FGF1: variants seen among roughly 807,000 people sequenced by gnomAD.
FGF1 encodes the protein beta-endothelial cell growth factor.
Under a neutral mutation model 13.4 loss-of-function variants are expected in FGF1, and 9 were observed. That is an observed-to-expected ratio of 0.67 (90% CI 0.40 to 1.17). The LOEUF (loss-of-function observed/expected upper bound fraction) is 1.17. Ranked by LOEUF, FGF1 falls within the 50% of genes most tolerant of loss-of-function variation. The pLI is 0.01. For missense variants in FGF1, 156 were observed against 192.7 expected (o/e 0.81, Z 1.13); for synonymous variants, 93 against 79.0 (o/e 1.18, Z -0.94).
intron 3 of FGF1, among the ~76,000 whole-genome samples, chr5:142,598,134 C>T (rs1277814868): frequency 6.6e-6 from 1 of 152,210 alleles, no homozygotes; most frequent in Non-Finnish European, 1.5e-5. Context: ...AGGAGGTAGA[C>T]AGCTTGGACC....
chr5:142,609,607 G>T (rs1217272508), intron 2 of FGF1, among the ~76,000 whole-genome samples: 2 of 152,160 alleles, frequency 1.3e-5, no homozygotes, highest in Non-Finnish European at 2.9e-5. Flanking sequence ...TCCCAGAGAA[G>T]CTGGGACAAA....
chr5:142,665,219 C>A (rs1206978877), intron 1 of FGF1, among the ~76,000 whole-genome samples: 5 of 152,010 alleles, frequency 3.3e-5, no homozygotes, highest in Admixed American at 3.3e-4. Context: ...GAAAAATATT[C>A]CTGAGATACC....
chr5:142,595,409 G>T lies in FGF1; in HGVS notation c.349C>A (p.His117Asn). 1 of 1,614,014 alleles carries T rather than the reference G, an allele frequency of 6.2e-7. No individual in the cohort carries two copies. Among genetic ancestry groups the T allele is most frequent in the Middle Eastern group, 1.7e-4 (1 of 6,060 alleles). The change falls in exon 4 of 4, where the codon CAT becomes AAT. Residue 117 changes from histidine to asparagine, a missense_variant. By Grantham distance (68) the His-to-Asn change is moderately conservative. Transcript: ENST00000337706. Reference protein sequence around the residue: ...NHYNTYISKKHAEKNWFVGLK... With the variant: ...NHYNTYISKKNAEKNWFVGLK... The stretch of plus-strand genomic sequence containing the variant: ...CCAACAAACCAATTCTTCTCTGCAT[G>T]CTTCTTGGATATATAGGTGTTGTAA...
chr5:142,635,050 G>A (rs1764019120), intron 1 of FGF1, among the ~76,000 whole-genome samples: 1 of 152,058 alleles, frequency 6.6e-6, no homozygotes, highest in South Asian at 2.1e-4. Context: ...CTTAATTTAA[G>A]TATCGGAAAG....
chr5:142,696,405 C>T (rs558968747), intron 2 of FGF1, among the ~76,000 whole-genome samples: 19 of 152,294 alleles, frequency 1.2e-4, no homozygotes, highest in Non-Finnish European at 2.9e-5. Flanking sequence ...GCTTTCAGTC[C>T]ATGCAGTTTT....
intron 3 of FGF1, among the ~76,000 whole-genome samples, chr5:142,598,113 T>C (rs1356998186): frequency 1.3e-5 from 2 of 152,174 alleles, no homozygotes; most frequent in African/African-American, 4.8e-5. Context: ...ATGCATGTTG[T>C]TGGGGGTAGA....
chr5:142,598,922 G>A (rs1597029215), intron 3 of FGF1, among the ~76,000 whole-genome samples: 3 of 152,164 alleles, frequency 2.0e-5, no homozygotes, highest in African/African-American at 7.2e-5. Flanking sequence ...TATTTAAAGA[G>A]GGAAAAGCCA....
chr5:142,631,628 A>G (rs1763384220), intron 1 of FGF1, among the ~76,000 whole-genome samples: 1 of 152,126 alleles, frequency 6.6e-6, no homozygotes, highest in African/African-American at 2.4e-5. Flanking sequence ...GACCTGGGGG[A>G]ACTATTGGGA....
rs1182736368 is a variant in FGF1 at position 142,592,388 on chromosome 5, C to T, written c.*2902G>A. The T allele has an allele frequency of 7.5e-6, 3 of 398,482 alleles. No homozygotes were observed. The highest frequency in any genetic ancestry group is 8.8e-6 in the Non-Finnish European group (2 of 226,034). 24.7% of individuals were successfully genotyped at this position (398,482 alleles called of 1,614,324 possible). A position where few individuals can be genotyped will look rare whatever the true frequency, so the allele number is the denominator to read the frequency against. ...CAAGGACCTTCAGTACTAGCTGATG[C>T]TCCAATCAGTTTTTTGTTCATACAC... On this transcript the variant is annotated 3_prime_UTR_variant, in exon 4 of 4. Transcript: ENST00000337706.
chr5:142,667,769 C>G (rs1561715115), intron 1 of FGF1, among the ~76,000 whole-genome samples: 2 of 152,176 alleles, frequency 1.3e-5, no homozygotes, highest in South Asian at 2.1e-4. Context: ...ACTCTGGACT[C>G]TGTTCCTCCA....
At chr5:142,598,933 T>C (rs1755865733) in intron 3 of FGF1, among the ~76,000 whole-genome samples, 1 of 152,150 alleles carries the variant, frequency 6.6e-6, no homozygotes, top group African/African-American at 2.4e-5. Context: ...GGAAAAGCCA[T>C]AAAACTGTGG....
chr5:142,656,991 C>T (rs532102108), intron 1 of FGF1, among the ~76,000 whole-genome samples: 247 of 152,104 alleles, frequency 1.6e-3, no homozygotes, highest in Non-Finnish European at 3.0e-3. Context: ...GATCTTGGCT[C>T]ACTGCAACCT....
intron 1 of FGF1, among the ~76,000 whole-genome samples, chr5:142,625,444 G>C (rs901990088): frequency 9.2e-5 from 14 of 152,152 alleles, no homozygotes; most frequent in African/African-American, 3.4e-4. Context: ...CCCCCTCATA[G>C]AGCATCATTC....
chr5:142,664,518 A>G (rs573938565), intron 1 of FGF1, among the ~76,000 whole-genome samples: 1 of 152,364 alleles, frequency 6.6e-6, no homozygotes, highest in African/African-American at 2.4e-5. Flanking sequence ...TCAGATGCAC[A>G]TATTTTCAGT....
chr5:142,636,664 A>AAGAGAATCTTATGAATT (rs1449647735), intron 1 of FGF1, among the ~76,000 whole-genome samples: 1 of 152,196 alleles, frequency 6.6e-6, no homozygotes, highest in African/African-American at 2.4e-5. Context: ...GTAATAAGCA[A>AAGAGAATCTTATGAATT]TCTATAGGAC....
intron 1 of FGF1, among the ~76,000 whole-genome samples, chr5:142,646,598 G>T (rs576585069): frequency 6.6e-6 from 1 of 152,052 alleles, no homozygotes; most frequent in African/African-American, 2.4e-5. Flanking sequence ...TGCTCTGCCC[G>T]CCTTGGCCTC....
intron 1 of FGF1, among the ~76,000 whole-genome samples, chr5:142,678,255 A>G (rs1773026181): frequency 6.6e-6 from 1 of 152,166 alleles, no homozygotes; most frequent in African/African-American, 2.4e-5. Flanking sequence ...AGCCAAATCC[A>G]GTCCCTCTGC....
chr5:142,692,454 T>C (rs2152070788), intron 2 of FGF1, among the ~76,000 whole-genome samples: 1 of 152,288 alleles, frequency 6.6e-6, no homozygotes, highest in South Asian at 2.1e-4. Context: ...AACTCTCACT[T>C]GACATGTGAC....
intron 3 of FGF1, among the ~76,000 whole-genome samples, chr5:142,600,255 A>AG (rs1491377506): frequency 2.0e-5 from 3 of 152,124 alleles, no homozygotes; most frequent in African/African-American, 7.2e-5. Context: ...CCAGCTACTC[A>AG]GGGGGCTGAG....
Sources: gnomAD v4.1 joint callset for allele counts (sites outside exome capture counted in the v4.1 genomes callset) on GRCh38, gnomAD v4.1.1 for gene constraint, MANE v1.5 for transcripts, NCBI Gene and HGNC (gene_info 2026-07-23, HGNC 2026-07-21) for gene names.